The following MAD1L1 variants were observed in gnomAD, a reference collection of about 807,000 sequenced individuals.
MAD1L1 encodes mitotic spindle assembly checkpoint protein MAD1.
In MAD1L1, 95 loss-of-function variants were observed where a neutral mutation model predicts 96.9. The ratio of observed to expected loss-of-function variants is 0.98; its 90% CI spans 0.83 to 1.16. MAD1L1 has a LOEUF of 1.16. Ranked by LOEUF, MAD1L1 falls within the 50% of genes most tolerant of loss-of-function variation. MAD1L1 has a pLI of 0.00. For missense variants in MAD1L1, 1,007 were observed against 954.4 expected (o/e 1.06, Z -0.73); for synonymous variants, 473 against 396.6 (o/e 1.19, Z -2.29).
chr7:1,897,266 G>A (rs59542886), intron 18 of MAD1L1, among the ~76,000 whole-genome samples: 5,959 of 151,054 alleles, frequency 0.039, 236 homozygotes, highest in African/African-American at 0.095. Context: ...GTTGGTTCTC[G>A]GTTCCATAAA....
chr7:1,892,901 C>T (rs1029475578), intron 18 of MAD1L1, among the ~76,000 whole-genome samples: 5 of 152,226 alleles, frequency 3.3e-5, no homozygotes, highest in African/African-American at 1.2e-4. Flanking sequence ...GGTCACTCCA[C>T]TTCTTCTTAC....
chr7:1,951,622 G>A (rs946002447), intron 16 of MAD1L1, among the ~76,000 whole-genome samples: 4 of 152,038 alleles, frequency 2.6e-5, no homozygotes, highest in South Asian at 4.1e-4. Context: ...CCCTGGCACC[G>A]GCCTCTCCAC....
At chr7:2,113,095 G>GAC (rs1315804955) in intron 11 of MAD1L1, among the ~76,000 whole-genome samples, 19 of 145,400 alleles carry the variant, frequency 1.3e-4, no homozygotes, top group South Asian at 1.2e-3. Context: ...ACGGGGACGA[G>GAC]GGGCAGAGCC....
At chr7:2,185,956 G>A (rs903656369) in intron 10 of MAD1L1, among the ~76,000 whole-genome samples, 1 of 152,188 alleles carries the variant, frequency 6.6e-6, no homozygotes, top group African/African-American at 2.4e-5. Flanking sequence ...AGCTACCAGG[G>A]CAGACAGATG....
intron 11 of MAD1L1, among the ~76,000 whole-genome samples, chr7:2,109,236 C>G (rs1787252372): frequency 1.3e-5 from 2 of 152,234 alleles, no homozygotes; most frequent in Non-Finnish European, 2.9e-5. Context: ...TTACATGCAA[C>G]TTCCCCGGGC....
At chr7:1,843,838 G>A (rs1257855794) in intron 18 of MAD1L1, among the ~76,000 whole-genome samples, 3 of 152,232 alleles carry the variant, frequency 2.0e-5, no homozygotes, top group East Asian at 1.9e-4. Context: ...TGAAACGAGC[G>A]TGAGCTCCGA....
At chr7:2,183,131 T>C (rs1562349192) in intron 10 of MAD1L1, among the ~76,000 whole-genome samples, 1 of 151,870 alleles carries the variant, frequency 6.6e-6, no homozygotes, top group South Asian at 2.1e-4. Context: ...CTGGATCACT[T>C]GAGCCCAGGA....
chr7:2,116,049 C>G (rs879558752), intron 11 of MAD1L1, among the ~76,000 whole-genome samples: 8 of 152,212 alleles, frequency 5.3e-5, no homozygotes, highest in Non-Finnish European at 1.0e-4. Flanking sequence ...CTCCCTAACC[C>G]GAATATCCCT....
intron 15 of MAD1L1, among the ~76,000 whole-genome samples, chr7:1,960,297 A>G (rs899399676): frequency 6.6e-6 from 1 of 152,174 alleles, no homozygotes; most frequent in Non-Finnish European, 1.5e-5. Context: ...GATGAGTAGA[A>G]AACAGTCAAA....
At chr7:2,209,686 G>GGGGCCTC (rs1426462596) in intron 10 of MAD1L1, among the ~76,000 whole-genome samples, 1 of 152,152 alleles carries the variant, frequency 6.6e-6, no homozygotes, top group Admixed American at 6.5e-5. Flanking sequence ...CCACACCCAC[G>GGGGCCTC]GGGCCTCGGG....
At chr7:1,922,116 C>G (rs1173582513) in intron 17 of MAD1L1, among the ~76,000 whole-genome samples, 1 of 152,256 alleles carries the variant, frequency 6.6e-6, no homozygotes, top group Admixed American at 6.5e-5. Flanking sequence ...GACTACAGAC[C>G]TGGAGAGCCA....
chr7:2,092,043 T>G (rs1015138958), intron 11 of MAD1L1, among the ~76,000 whole-genome samples: 1 of 152,208 alleles, frequency 6.6e-6, no homozygotes, highest in African/African-American at 2.4e-5. Context: ...AGACCGTGTT[T>G]GGCTTTGTAA....
At chr7:1,903,047 C>T (rs945927739) in intron 17 of MAD1L1, among the ~76,000 whole-genome samples, 47 of 151,258 alleles carry the variant, frequency 3.1e-4, no homozygotes, top group African/African-American at 1.1e-3. Context: ...AATGCAGTGG[C>T]CTATGGAAGA....
intron 11 of MAD1L1, among the ~76,000 whole-genome samples, chr7:2,112,306 T>C (rs1051901100): frequency 6.6e-6 from 1 of 152,276 alleles, no homozygotes; most frequent in East Asian, 1.9e-4. Context: ...ACAGTTTTTT[T>C]TAATCAACCA....
chr7:2,095,322 G>T (rs1215059276), intron 11 of MAD1L1, among the ~76,000 whole-genome samples: 1 of 152,180 alleles, frequency 6.6e-6, no homozygotes, highest in African/African-American at 2.4e-5. Flanking sequence ...GGGATTACAG[G>T]CATGAGCCAC....
chr7:1,951,658 T>C (rs1469700036), intron 16 of MAD1L1, among the ~76,000 whole-genome samples: 1 of 152,142 alleles, frequency 6.6e-6, no homozygotes, highest in African/African-American at 2.4e-5. Flanking sequence ...CTGATGACTC[T>C]AGGGGCCTCG....
chr7:2,141,135 T>C lies in MAD1L1; in HGVS notation c.1073+8017A>G, dbSNP rs558682443. Among the ~76,000 whole-genome samples, 61 of 152,336 alleles carry C rather than the reference T, an allele frequency of 4.0e-4. 1 individual carries two copies. The South Asian group carries it at 0.012, about 31-fold the overall frequency. ...CCCGGCCCCGTCATGAAGGAGCGTG[T>C]GCTCGCCTTGCGGGCTCTGCCTGGG... On this transcript the variant is annotated intron_variant, in intron 11 of 18. Transcript: ENST00000265854.
At chr7:2,045,004 C>T (rs544351420) in intron 12 of MAD1L1, among the ~76,000 whole-genome samples, 61 of 152,334 alleles carry the variant, frequency 4.0e-4, no homozygotes, top group African/African-American at 1.4e-3. Flanking sequence ...AGGGGCCACA[C>T]GCCCAAGCCA....
chr7:2,054,496 A>G (rs1008888411), intron 12 of MAD1L1, among the ~76,000 whole-genome samples: 14 of 152,196 alleles, frequency 9.2e-5, no homozygotes, highest in Middle Eastern at 3.2e-3. Flanking sequence ...GGGAGAGTGC[A>G]GCAGTGTCTG....
Sources: allele counts gnomAD v4.1 joint callset (sites outside exome capture counted in the v4.1 genomes callset), GRCh38; gene constraint gnomAD v4.1.1; transcripts MANE v1.5; gene names NCBI Gene and HGNC (gene_info 2026-07-23, HGNC 2026-07-21).